Variants in FRMPD4 observed in about 807,000 individuals in gnomAD.
FRMPD4 encodes FERM and PDZ domain containing 4.
In FRMPD4, 22 loss-of-function variants were observed where a neutral mutation model predicts 94.1. The observed-to-expected ratio is 0.23, with a 90% confidence interval of 0.17 to 0.33. FRMPD4 has a LOEUF of 0.33. FRMPD4 is among the 10% of genes least tolerant of loss of function. The probability of loss-of-function intolerance (pLI) is 1.00; values close to 1 mark genes in which losing one functional copy is unlikely to be tolerated. For synonymous variants in FRMPD4, 631 were observed against 548.6 expected (o/e 1.15, Z -2.10); for missense variants, 1,111 against 1,339.9 (o/e 0.83, Z 2.67).
chrX:12,269,636 C>A (rs2054324982), intron 1 of FRMPD4, among the ~76,000 whole-genome samples: 1 of 112,038 alleles, frequency 8.9e-6, no homozygotes, highest in Admixed American at 9.5e-5. Flanking sequence ...TGTCTAGAGA[C>A]AATTTTGGGT....
At chrX:12,231,130 G>A (rs1240893272) in intron 1 of FRMPD4, among the ~76,000 whole-genome samples, 5 of 86,704 alleles carry the variant, frequency 5.8e-5, no homozygotes, top group African/African-American at 2.2e-4. Context: ...GCTCACTGCA[G>A]ACTCGACCTG....
intron 3 of FRMPD4, among the ~76,000 whole-genome samples, chrX:12,118,255 C>T (rs1408935388): frequency 2.7e-5 from 3 of 111,182 alleles, no homozygotes; most frequent in Non-Finnish European, 5.7e-5. Context: ...GTAGAATTAT[C>T]CACTAAAACT....
At chrX:12,266,486 G>A (rs911126542) in intron 1 of FRMPD4, among the ~76,000 whole-genome samples, 6 of 111,331 alleles carry the variant, frequency 5.4e-5, no homozygotes, top group Non-Finnish European at 1.1e-4. Context: ...ATGAAAATAC[G>A]CAAGGCCCCT....
intron 1 of FRMPD4, among the ~76,000 whole-genome samples, chrX:12,305,724 A>AGTTTTTTTTTTTTTT (rs2054926769): frequency 2.3e-5 from 1 of 44,241 alleles, no homozygotes; most frequent in Non-Finnish European, 3.6e-5. Context: ...CAGCTGGCTA[A>AGTTTTTTTTTTTTTT]GTTTTTTTTT....
At chrX:12,028,227 T>G (rs1003036829) in intron 3 of FRMPD4, among the ~76,000 whole-genome samples, 2 of 112,265 alleles carry the variant, frequency 1.8e-5, no homozygotes, top group Non-Finnish European at 3.8e-5. Flanking sequence ...GGTGGCCAGC[T>G]GCTTCTTCAA....
chrX:12,185,616 A>G (rs760590879), intron 1 of FRMPD4, among the ~76,000 whole-genome samples: 2 of 102,884 alleles, frequency 1.9e-5, no homozygotes, highest in Non-Finnish European at 3.9e-5. Flanking sequence ...AATTGCTGGA[A>G]TGGGAAACAC....
At chrX:11,898,826 C>T (rs1329548748) in intron 3 of FRMPD4, among the ~76,000 whole-genome samples, 1 of 111,717 alleles carries the variant, frequency 9.0e-6, no homozygotes, top group Non-Finnish European at 1.9e-5. Flanking sequence ...AAGTGATTGG[C>T]TGTGTGCTAT....
intron 3 of FRMPD4, among the ~76,000 whole-genome samples, chrX:12,102,218 TTTTTCC>T (rs2055261448): frequency 8.9e-6 from 1 of 111,733 alleles, no homozygotes; most frequent in African/African-American, 3.3e-5. Context: ...GCAAATCAAC[TTTTTCC>T]TTAGCATGTG....
In FRMPD4 at chrX:12,595,561, A is replaced by T. The variant is rs1449756460; in HGVS notation, c.159-14160A>T. Among the ~76,000 whole-genome samples the T allele has an allele frequency of 2.7e-5, 3 of 112,331 alleles. No individual in the cohort carries two copies. In the Admixed American group the frequency reaches 2.8e-4, roughly 11 times the overall value. On this transcript the variant is annotated intron_variant, in intron 2 of 16. Transcript: ENST00000675598. ...AATTGAGCTCTTTAAAAATTTTACT[A>T]TGCTATTAAGCATGTATGGCCTCTG...
chrX:12,605,377 G>A (rs2059122005), intron 2 of FRMPD4, among the ~76,000 whole-genome samples: 2 of 111,409 alleles, frequency 1.8e-5, no homozygotes, highest in Non-Finnish European at 3.8e-5. Flanking sequence ...GGTCTATCAG[G>A]GTGGCCTCCA....
At chrX:12,392,075 C>G (rs2056482427) in intron 1 of FRMPD4, among the ~76,000 whole-genome samples, 1 of 109,236 alleles carries the variant, frequency 9.2e-6, no homozygotes, top group African/African-American at 3.3e-5. Flanking sequence ...GTTCTGTCGC[C>G]CAGGCTGCAG....
intron 1 of FRMPD4, among the ~76,000 whole-genome samples, chrX:12,257,582 A>G (rs1459773805): frequency 9.0e-6 from 1 of 111,478 alleles, no homozygotes; most frequent in Non-Finnish European, 1.9e-5. Flanking sequence ...ATTAGGCAAG[A>G]AACTCCTGTA....
At position 12,538,228 on chromosome X, in the gene FRMPD4, T is replaced by C. The variant is rs184405030; in HGVS notation, c.158+39432T>C. On this transcript the variant is annotated intron_variant, in intron 2 of 16. Transcript: ENST00000675598. ...TCCCATGCCCACGGAGCTTCACTCATTGCTAGCACAGCAGTCTGAGATTGA... is the reference window on the plus strand; with the variant it reads ...TCCCATGCCCACGGAGCTTCACTCACTGCTAGCACAGCAGTCTGAGATTGA... 8.7e-3 allele frequency among the ~76,000 whole-genome samples: 963 copies of C among 111,027 alleles called. 9 individuals are homozygous for C. The highest frequency in any genetic ancestry group is 0.027 in the African/African-American group (836 of 30,597).
intron 1 of FRMPD4, among the ~76,000 whole-genome samples, chrX:12,152,679 A>G (rs1003248383): frequency 9.0e-6 from 1 of 111,520 alleles, no homozygotes; most frequent in Non-Finnish European, 1.9e-5. Context: ...AAAGATATGT[A>G]TTATACAAGT....
intron 2 of FRMPD4, among the ~76,000 whole-genome samples, chrX:12,544,592 T>C (rs996504506): frequency 4.5e-5 from 5 of 111,848 alleles, no homozygotes; most frequent in Non-Finnish European, 7.5e-5. Context: ...AATTAGAGAT[T>C]TTAACTGGGT....
chrX:12,512,836 A>C (rs2058057937), intron 2 of FRMPD4, among the ~76,000 whole-genome samples: 1 of 112,413 alleles, frequency 8.9e-6, no homozygotes, highest in Non-Finnish European at 1.9e-5. Flanking sequence ...TTACATTACC[A>C]AAAGTGTGAA....
At chrX:12,426,567 T>C (rs1326123794) in intron 1 of FRMPD4, among the ~76,000 whole-genome samples, 1 of 111,766 alleles carries the variant, frequency 8.9e-6, no homozygotes, top group Non-Finnish European at 1.9e-5. Context: ...GCTGCTAACC[T>C]GAAGAAGGAA....
intron 4 of FRMPD4, among the ~76,000 whole-genome samples, chrX:12,624,089 G>T (rs1383098621): frequency 8.9e-6 from 1 of 112,442 alleles, no homozygotes; most frequent in Non-Finnish European, 1.9e-5. Flanking sequence ...GACAAAAGCT[G>T]AGGGAGTTCA....
Position 12,703,605 on chromosome X carries a change from A to C in FRMPD4, c.1071-754A>C, listed in dbSNP as rs146155648. On this transcript the variant is annotated intron_variant, in intron 10 of 16. Transcript: ENST00000675598. The stretch of plus-strand genomic sequence containing the variant: ...TAGGGTAGGATTTCTACTCCAGGAT[A>C]GATTTCCTAGAATTCAAAATATGGG... Among the ~76,000 whole-genome samples, 510 of 112,305 alleles carry C rather than the reference A, an allele frequency of 4.5e-3. 4 individuals are homozygous for C. Among genetic ancestry groups the C allele is most frequent in the African/African-American group, 0.015 (474 of 30,961 alleles).
Sources: gnomAD v4.1 joint callset for allele counts (sites outside exome capture counted in the v4.1 genomes callset) on GRCh38, gnomAD v4.1.1 for gene constraint, MANE v1.5 for transcripts, NCBI Gene and HGNC (gene_info 2026-07-23, HGNC 2026-07-21) for gene names.